URI1: variants seen among roughly 807,000 people sequenced by gnomAD.
The protein encoded by URI1 is URI1 prefoldin like chaperone, also known as unconventional prefoldin RPB5 interactor 1.
URI1 carries 39 observed loss-of-function variants against 60.2 expected under a neutral mutation model. The ratio of observed to expected loss-of-function variants is 0.65; its 90% confidence interval spans 0.50 to 0.85. The LOEUF is 0.85. Among genes scored for constraint, URI1 ranks in the 40% least tolerant of loss-of-function variants. The pLI is 0.00. For missense variants in URI1, 691 were observed against 665.9 expected (o/e 1.04, Z -0.42); for synonymous variants, 251 against 236.8 (o/e 1.06, Z -0.55).
Position 29,962,402 on chromosome 19 carries a change from C to CTTTT in URI1, c.118-8775_118-8772dup, listed in dbSNP as rs11331580. On this transcript the variant is annotated intron_variant, in intron 1 of 10. Coordinates refer to ENST00000392271, the MANE Select transcript of URI1 (RefSeq NM_003796.3). ...TAAATATAATATGTATTTATAGTAT[C>CTTTT]TTTTTTTTTTTTTTTTTTTACAATT... 9.7e-5 allele frequency among the ~76,000 whole-genome samples: 12 copies of CTTTT among 123,480 alleles called. 1 individual carries two copies. Among genetic ancestry groups the CTTTT allele is most frequent in the African/African-American group, 3.6e-4 (12 of 33,190 alleles). 81.0% of individuals were successfully genotyped at this position (123,480 alleles called of 152,430 possible).
Position 30,016,094 on chromosome 19 carries a change from A to G in URI1, c.*1025A>G, listed in dbSNP as rs911647686. The stretch of plus-strand genomic sequence containing the variant: ...TTAAAAAGCATTCTGCATTAGTACT[A>G]AAATAAGCCATCAATGCCAGTCCAC... On this transcript the variant is annotated 3_prime_UTR_variant, in exon 11 of 11. Coordinates refer to ENST00000392271, the MANE Select transcript of URI1 (RefSeq NM_003796.3). 5 of 152,458 alleles carry G rather than the reference A, an allele frequency of 3.3e-5. No homozygotes were observed. Among genetic ancestry groups the G allele is most frequent in the African/African-American group, 1.2e-4 (5 of 41,474 alleles). 9.4% of individuals were successfully genotyped at this position (152,458 alleles called of 1,614,324 possible). A position where few individuals can be genotyped will look rare whatever the true frequency, so the allele number is the denominator to read the frequency against.
At chr19:30,011,939 C>T (rs1005021533) in intron 9 of URI1, among the ~76,000 whole-genome samples, 1 of 151,724 alleles carries the variant, frequency 6.6e-6, no homozygotes, top group African/African-American at 2.4e-5. Context: ...AGGAGATACA[C>T]CTAATGTAAA....
At chr19:29,974,582 C>T (rs953678755) in intron 2 of URI1, among the ~76,000 whole-genome samples, 4 of 152,110 alleles carry the variant, frequency 2.6e-5, no homozygotes, top group African/African-American at 9.7e-5. Context: ...ACTCCTACCT[C>T]CAATTTTTTT....
intron 2 of URI1, 98 bp downstream of exon 2, chr19:29,971,325 A>G (rs1322142734): frequency 8.5e-6 from 10 of 1,181,664 alleles, no homozygotes; most frequent in Non-Finnish European, 1.2e-5. Flanking sequence ...GTGTGTATGT[A>G]TGACTAGTAA....
chr19:29,973,377 A>G (rs894039409), intron 2 of URI1, among the ~76,000 whole-genome samples: 2 of 152,164 alleles, frequency 1.3e-5, no homozygotes, highest in African/African-American at 4.8e-5. Flanking sequence ...ACTACTTTTA[A>G]AAGCATGTTG....
intron 1 of URI1, among the ~76,000 whole-genome samples, chr19:29,955,243 C>T (rs986964176): frequency 2.6e-5 from 4 of 152,042 alleles, no homozygotes; most frequent in Admixed American, 6.5e-5. Context: ...AGATTACAGG[C>T]GTGAGCCACC....
chr19:29,960,957 G>T (rs558163764), intron 1 of URI1, among the ~76,000 whole-genome samples: 46 of 152,170 alleles, frequency 3.0e-4, no homozygotes, highest in African/African-American at 9.9e-4. Context: ...GAGCTCAAGT[G>T]ATCCTGCCTG....
upstream of URI1, among the ~76,000 whole-genome samples, chr19:29,940,187 T>C (rs1025075303): frequency 2.0e-5 from 3 of 152,120 alleles, no homozygotes; most frequent in South Asian, 2.1e-4. Context: ...CTGTCAAGGA[T>C]TGGGTTCTGT....
chr19:29,955,848 C>G (rs2055239339), intron 1 of URI1, among the ~76,000 whole-genome samples: 1 of 151,684 alleles, frequency 6.6e-6, no homozygotes, highest in African/African-American at 2.4e-5. Flanking sequence ...TCCTTGGCCC[C>G]CCAAAGTGCT....
intron 9 of URI1, among the ~76,000 whole-genome samples, chr19:30,011,982 G>T (rs1318978914): frequency 6.6e-6 from 1 of 151,900 alleles, no homozygotes; most frequent in Non-Finnish European, 1.5e-5. Flanking sequence ...CACCAACATG[G>T]CACATGTATA....
intron 2 of URI1, among the ~76,000 whole-genome samples, chr19:29,973,152 G>C (rs958361462): frequency 1.3e-5 from 2 of 152,086 alleles, no homozygotes. Flanking sequence ...TGGAATTCTT[G>C]TGATATTTTT....
intron 4 of URI1, among the ~76,000 whole-genome samples, 185 bp downstream of exon 4, chr19:29,986,602 G>GC (rs1408481358): frequency 1.3e-5 from 2 of 152,190 alleles, no homozygotes; most frequent in African/African-American, 4.8e-5. Flanking sequence ...GGAGAATGGA[G>GC]CATCCGGGTT....
rs1176297743 is a variant in URI1 at position 30,005,835 on chromosome 19, T to G, written c.517+127T>G. Reference sequence around the variant, plus strand: ...TTAAATTCATAGGATGCCAACATTTTTCTACTCATTGATTTTTTTTTATGT... The same window carrying G: ...TTAAATTCATAGGATGCCAACATTTGTCTACTCATTGATTTTTTTTTATGT... On this transcript the variant is annotated intron_variant, in intron 6 of 10. Coordinates refer to ENST00000392271, the MANE Select transcript of URI1 (RefSeq NM_003796.3). 4 of 807,382 alleles carry G rather than the reference T, an allele frequency of 5.0e-6. No individual in the cohort carries two copies. In the East Asian group the frequency reaches 1.2e-4, roughly 24 times the overall value. The allele number at this position is 807,382 out of a possible 1,614,324, so 50.0% of individuals were successfully genotyped here.
At chr19:29,980,626 A>C (rs10426467) in intron 2 of URI1, among the ~76,000 whole-genome samples, 2,037 of 145,706 alleles carry the variant, frequency 0.014, 68 homozygotes, top group African/African-American at 0.049. Flanking sequence ...AAAAAAAAAA[A>C]AAAAAAAAAA....
chr19:29,971,109 T>C, intron 1 of URI1, 84 bp from the exon 2 acceptor site: 1 of 1,281,174 alleles, frequency 7.8e-7, no homozygotes, highest in Non-Finnish European at 1.1e-6. Context: ...GTAAAGCCAA[T>C]GTTCTAGTTT....
chr19:30,013,716 CT>C (rs1171159777), intron 10 of URI1, among the ~76,000 whole-genome samples: 1 of 152,030 alleles, frequency 6.6e-6, no homozygotes, highest in Non-Finnish European at 1.5e-5. Context: ...GGAAGATATC[CT>C]TTTCAGTATC....
chr19:29,937,099 T>C (rs1014339172), intron 1 of URI1, among the ~76,000 whole-genome samples: 2 of 152,222 alleles, frequency 1.3e-5, no homozygotes, highest in African/African-American at 4.8e-5. Context: ...ACAATTTCAA[T>C]TGCCTTATCT....
chr19:29,964,012 A>G (rs572266264), intron 1 of URI1, among the ~76,000 whole-genome samples: 1 of 152,304 alleles, frequency 6.6e-6, no homozygotes, highest in South Asian at 2.1e-4. Flanking sequence ...TTGTATGCTT[A>G]AGACCTCTCT....
Position 29,971,237 on chromosome 19 carries a change from A to G in URI1, c.152+10A>G. 4 of 1,612,956 alleles carry G rather than the reference A, an allele frequency of 2.5e-6. No homozygotes were observed. The highest frequency in any genetic ancestry group is 3.4e-6 in the Non-Finnish European group (4 of 1,179,218). ...AGAGAATCCAGCATTGGTGAGTGAA[A>G]GATGGTTTTATTACACTTCTGAAAT... is the stretch of plus-strand genomic sequence containing the variant. On this transcript the variant is annotated intron_variant, in intron 2 of 10. Transcript: ENST00000392271.
Sources: allele counts gnomAD v4.1 joint callset (sites outside exome capture counted in the v4.1 genomes callset), GRCh38; gene constraint gnomAD v4.1.1; transcripts MANE v1.5; gene names NCBI Gene and HGNC (gene_info 2026-07-23, HGNC 2026-07-21).